DDR2: variants seen among roughly 807,000 people sequenced by gnomAD.
The protein encoded by DDR2 is discoidin domain-containing receptor 2.
A neutral mutation model predicts 94.9 loss-of-function variants in DDR2; 27 were observed. The ratio of observed to expected loss-of-function variants is 0.28; its 90% CI spans 0.21 to 0.39. The LOEUF is 0.39. Ranked by LOEUF, DDR2 falls within the 10% of genes least tolerant of loss-of-function variation. The pLI is 1.00. For synonymous variants in DDR2, 382 were observed against 377.2 expected (o/e 1.01, Z -0.15); for missense variants, 783 against 1,076.0 (o/e 0.73, Z 3.81).
At chr1:162,702,274 CCTT>C (rs1660467215) in intron 2 of DDR2, among the ~76,000 whole-genome samples, 1 of 152,088 alleles carries the variant, frequency 6.6e-6, no homozygotes, top group Non-Finnish European at 1.5e-5. Context: ...CTTTCATTCT[CCTT>C]AGAAAATTTT....
At chr1:162,764,648 G>T (rs1416649892) in intron 9 of DDR2, among the ~76,000 whole-genome samples, 1 of 151,886 alleles carries the variant, frequency 6.6e-6, no homozygotes. Flanking sequence ...GCAACATGGC[G>T]AAATCCTGTC....
chr1:162,687,233 A>G (rs1322134775), intron 2 of DDR2, among the ~76,000 whole-genome samples: 1 of 152,214 alleles, frequency 6.6e-6, no homozygotes, highest in African/African-American at 2.4e-5. Context: ...AGAGGAGGCA[A>G]GGCATTACCT....
At chr1:162,758,591 A>G (rs1366150617) in intron 7 of DDR2, among the ~76,000 whole-genome samples, 3 of 152,200 alleles carry the variant, frequency 2.0e-5, no homozygotes, top group Non-Finnish European at 4.4e-5. Flanking sequence ...CTGTAGAGAG[A>G]AGAAAAAGAT....
chr1:162,755,784 AC>A lies in DDR2; in HGVS notation c.671+16del, dbSNP rs1558067763. The A allele has an allele frequency of 6.2e-7, 1 of 1,607,568 alleles. No homozygotes were observed. Among genetic ancestry groups the A allele is most frequent in the African/African-American group, 1.3e-5 (1 of 74,794 alleles). On this transcript the variant is annotated intron_variant, in intron 7 of 17. Coordinates refer to ENST00000367921, the MANE Select transcript of DDR2 (RefSeq NM_006182.4). The stretch of plus-strand genomic sequence containing the variant: ...GTTGGATACAGGTAAATCCTGGGAA[AC>A]TTTATTAGAATGGGAAATTGGCCAC...
intron 3 of DDR2, among the ~76,000 whole-genome samples, chr1:162,735,006 T>C (rs1662227834): frequency 6.6e-6 from 1 of 152,002 alleles, no homozygotes; most frequent in South Asian, 2.1e-4. Flanking sequence ...ATGGGAAGAA[T>C]AGAGGAGAGA....
At chr1:162,651,489 T>C (rs1657689574) in intron 1 of DDR2, among the ~76,000 whole-genome samples, 1 of 152,226 alleles carries the variant, frequency 6.6e-6, no homozygotes, top group African/African-American at 2.4e-5. Context: ...TCAACTGGCT[T>C]GATTTCTCCT....
chr1:162,672,196 A>G (rs999347525), intron 2 of DDR2, among the ~76,000 whole-genome samples: 5 of 152,188 alleles, frequency 3.3e-5, no homozygotes, highest in African/African-American at 9.6e-5. Context: ...CTGGAAAATT[A>G]TTAACCATTC....
intron 2 of DDR2, among the ~76,000 whole-genome samples, chr1:162,666,192 G>T (rs1355114921): frequency 6.6e-6 from 1 of 152,320 alleles, no homozygotes; most frequent in East Asian, 1.9e-4. Context: ...TAGATGAACA[G>T]TTCCCAACTA....
chr1:162,639,021 A>T (rs1376677655), intron 1 of DDR2, among the ~76,000 whole-genome samples: 3 of 150,988 alleles, frequency 2.0e-5, no homozygotes, highest in African/African-American at 7.3e-5. Context: ...ACTGGAGTGC[A>T]GTGGCGCAAT....
chr1:162,712,534 C>T (rs1214942204), intron 2 of DDR2, among the ~76,000 whole-genome samples: 1 of 151,976 alleles, frequency 6.6e-6, no homozygotes, highest in Non-Finnish European at 1.5e-5. Context: ...TTCCTGGTGG[C>T]TTTGACACAT....
chr1:162,677,188 G>A (rs4453015), intron 2 of DDR2, among the ~76,000 whole-genome samples: 90,174 of 151,968 alleles, frequency 0.59, 30,529 homozygotes, highest in Middle Eastern at 0.8. Flanking sequence ...TGAGGATAGA[G>A]GTTTTGCTTT....
At chr1:162,720,444 C>T (rs943311637) in intron 3 of DDR2, among the ~76,000 whole-genome samples, 2 of 152,112 alleles carry the variant, frequency 1.3e-5, no homozygotes, top group African/African-American at 4.8e-5. Flanking sequence ...GCTTCTTTCA[C>T]TCAACATTTT....
chr1:162,678,707 A>G (rs1659250979), intron 2 of DDR2, among the ~76,000 whole-genome samples: 1 of 152,138 alleles, frequency 6.6e-6, no homozygotes, highest in Admixed American at 6.6e-5. Context: ...TTCCCGTAAA[A>G]CCGTCTGTCC....
intron 14 of DDR2, 68 bp downstream of exon 14, chr1:162,773,664 A>T: frequency 6.3e-7 from 1 of 1,599,060 alleles, no homozygotes; most frequent in African/African-American, 1.3e-5. Flanking sequence ...ACTCCTGGAT[A>T]CTTCTGAGCA....
At position 162,637,002 on chromosome 1, in the gene DDR2, G is replaced by A. The variant is rs76913078; in HGVS notation, c.-192+4371G>A. Among the ~76,000 whole-genome samples the A allele has an allele frequency of 3.1e-3, 466 of 151,710 alleles. 5 individuals carry two copies. The East Asian group carries it at 0.044, about 14-fold the overall frequency. On this transcript the variant is annotated intron_variant, in intron 1 of 17. Coordinates refer to ENST00000367921, the MANE Select transcript of DDR2 (RefSeq NM_006182.4). ...AATAGTGGTGATTTAAAAAAAAATC[G>A]CAGGTATATTTTTTATCTATTAAAA...
intron 11 of DDR2, 115 bp downstream of exon 11, chr1:162,767,474 T>A: frequency 6.9e-7 from 1 of 1,444,608 alleles, no homozygotes; most frequent in Non-Finnish European, 9.4e-7. Context: ...TGGAATTAAC[T>A]GAGGCTACCA....
chr1:162,693,400 C>T (rs377009928), intron 2 of DDR2, among the ~76,000 whole-genome samples: 7 of 152,104 alleles, frequency 4.6e-5, no homozygotes, highest in South Asian at 2.1e-4. Flanking sequence ...GTTTCTGAAC[C>T]GCCTTTGTGT....
At chr1:162,654,859 A>T (rs1043187562) in intron 1 of DDR2, among the ~76,000 whole-genome samples, 4 of 152,220 alleles carry the variant, frequency 2.6e-5, no homozygotes, top group African/African-American at 9.6e-5. Flanking sequence ...AAGAGATTTT[A>T]AAAAATGTAA....
chr1:162,747,334 G>C (rs1571281888), intron 3 of DDR2, among the ~76,000 whole-genome samples: 1 of 152,146 alleles, frequency 6.6e-6, no homozygotes, highest in African/African-American at 2.4e-5. Flanking sequence ...AAGTGACCTG[G>C]TGGAGCTGAA....
Sources: gnomAD v4.1 joint callset for allele counts (sites outside exome capture counted in the v4.1 genomes callset) on GRCh38, gnomAD v4.1.1 for gene constraint, MANE v1.5 for transcripts, NCBI Gene and HGNC (gene_info 2026-07-23, HGNC 2026-07-21) for gene names.